The following KATNIP variants were observed in gnomAD, a reference collection of about 807,000 sequenced individuals.
KATNIP encodes katanin interacting protein, also known as katanin-interacting protein.
A neutral mutation model predicts 174.0 loss-of-function variants in KATNIP; 126 were observed. That is an observed-to-expected ratio of 0.72 (90% CI 0.63 to 0.84). The LOEUF is 0.84. Among genes scored for constraint, KATNIP ranks in the 40% least tolerant of loss-of-function variants. The pLI, the probability that KATNIP is intolerant of heterozygous loss-of-function variation, is 0.00. For missense variants in KATNIP, 1,958 were observed against 2,109.7 expected (o/e 0.93, Z 1.41); for synonymous variants, 810 against 835.7 (o/e 0.97, Z 0.53).
chr16:27,743,463 C>T (rs1018361353), intron 15 of KATNIP, among the ~76,000 whole-genome samples: 3 of 152,122 alleles, frequency 2.0e-5, no homozygotes, highest in African/African-American at 7.2e-5. Flanking sequence ...TTTTGCTGCT[C>T]ACCCCTTCTG....
chr16:27,654,286 T>A (rs1567258319), intron 6 of KATNIP, among the ~76,000 whole-genome samples: 1 of 152,090 alleles, frequency 6.6e-6, no homozygotes, highest in East Asian at 1.9e-4. Flanking sequence ...TCCCATTTTT[T>A]AAAAAAACTC....
At chr16:27,699,672 G>T (rs2079031481) in intron 10 of KATNIP, 73 bp downstream of exon 10, 2 of 1,601,484 alleles carry the variant, frequency 1.2e-6, no homozygotes, top group Admixed American at 1.7e-5. Flanking sequence ...AGGCAGAGAT[G>T]AATGACAAAG....
intron 6 of KATNIP, chr16:27,669,324 A>C: frequency 1.0e-6 from 1 of 985,080 alleles, no homozygotes; most frequent in Non-Finnish European, 1.2e-6. Context: ...CTGGATCCCC[A>C]GTGAGGAGAC....
intron 1 of KATNIP, among the ~76,000 whole-genome samples, chr16:27,554,842 G>A (rs139309902): frequency 0.016 from 2,101 of 129,322 alleles, 16 homozygotes; most frequent in Middle Eastern, 0.03. Flanking sequence ...CACCCAGGCT[G>A]TAGTACAGTG....
chr16:27,620,303 T>C (rs2076155974), intron 3 of KATNIP, among the ~76,000 whole-genome samples: 1 of 152,226 alleles, frequency 6.6e-6, no homozygotes, highest in Non-Finnish European at 1.5e-5. Context: ...GGAATCCCCC[T>C]GAGCCATCGT....
intron 17 of KATNIP, 110 bp from the exon 18 acceptor site, chr16:27,754,063 T>TA (rs1004928806): frequency 3.5e-6 from 3 of 863,076 alleles, no homozygotes; most frequent in Admixed American, 1.9e-5. Context: ...CACAAGGACT[T>TA]ACCTGGGCAT....
intron 17 of KATNIP, among the ~76,000 whole-genome samples, chr16:27,753,731 TTCCC>T (rs543551504): frequency 6.8e-4 from 103 of 151,184 alleles, no homozygotes; most frequent in Middle Eastern, 3.4e-3. Flanking sequence ...CCTTCCTTCC[TTCCC>T]TCCCTCCCTC....
At chr16:27,705,257 T>G (rs902922084) in intron 12 of KATNIP, among the ~76,000 whole-genome samples, 1 of 152,194 alleles carries the variant, frequency 6.6e-6, no homozygotes, top group Admixed American at 6.5e-5. Flanking sequence ...CACTCCCTTC[T>G]GCCCCTACCT....
intron 22 of KATNIP, 30 bp from the exon 23 acceptor site, chr16:27,773,069 A>G: frequency 7.6e-7 from 1 of 1,320,542 alleles, no homozygotes; most frequent in Non-Finnish European, 1.1e-6. Flanking sequence ...AAAAAAATTA[A>G]GCCTTCTTTT....
chr16:27,648,995 C>T (rs1315232452), intron 6 of KATNIP, among the ~76,000 whole-genome samples: 1 of 152,138 alleles, frequency 6.6e-6, no homozygotes, highest in Non-Finnish European at 1.5e-5. Flanking sequence ...AGTCCCTGTA[C>T]AGGGAGAGAA....
intron 6 of KATNIP, among the ~76,000 whole-genome samples, chr16:27,656,419 GAAAA>G (rs927275425): frequency 6.1e-4 from 21 of 34,420 alleles, no homozygotes; most frequent in Non-Finnish European, 4.0e-4. Context: ...CTCTGTCTCA[GAAAA>G]AAAAAAAAAA....
intron 18 of KATNIP, among the ~76,000 whole-genome samples, chr16:27,760,791 AG>A (rs2081923650): frequency 6.6e-6 from 1 of 152,210 alleles, no homozygotes; most frequent in Non-Finnish European, 1.5e-5. Context: ...CGATTACAGC[AG>A]TGACCAGGGC....
At chr16:27,670,244 TTGCC>T (rs1488329887) in intron 6 of KATNIP, among the ~76,000 whole-genome samples, 2 of 152,236 alleles carry the variant, frequency 1.3e-5, no homozygotes, top group Non-Finnish European at 1.5e-5. Context: ...GCCACCCACA[TTGCC>T]TGCCCTCTCC....
At chr16:27,758,820 C>G (rs1395147317) in intron 18 of KATNIP, among the ~76,000 whole-genome samples, 1 of 152,190 alleles carries the variant, frequency 6.6e-6, no homozygotes, top group East Asian at 1.9e-4. Flanking sequence ...TTGCTATTTT[C>G]TTTCATAGTG....
At chr16:27,568,752 C>T (rs978877751) in intron 1 of KATNIP, among the ~76,000 whole-genome samples, 3 of 152,156 alleles carry the variant, frequency 2.0e-5, no homozygotes, top group East Asian at 3.8e-4. Context: ...TGTGAGCCAC[C>T]GCACCCGGCC....
intron 15 of KATNIP, among the ~76,000 whole-genome samples, chr16:27,744,121 A>C (rs9922218): frequency 0.19 from 28,332 of 152,186 alleles, 3,032 homozygotes; most frequent in African/African-American, 0.29. Context: ...AGAGCCAAAT[A>C]CCGTAGCCAT....
At chr16:27,704,366 AG>A (rs2079217794) in intron 12 of KATNIP, among the ~76,000 whole-genome samples, 1 of 152,252 alleles carries the variant, frequency 6.6e-6, no homozygotes, top group African/African-American at 2.4e-5. Flanking sequence ...CTCTAGTGCT[AG>A]CAAGGTTACA....
At chr16:27,651,811 C>T (rs900331881) in intron 6 of KATNIP, among the ~76,000 whole-genome samples, 4 of 152,178 alleles carry the variant, frequency 2.6e-5, no homozygotes, top group South Asian at 2.1e-4. Flanking sequence ...CCTCTGCCTC[C>T]AGGGTTCAAG....
intron 2 of KATNIP, among the ~76,000 whole-genome samples, chr16:27,578,283 A>G (rs190265627): frequency 6.6e-6 from 1 of 151,950 alleles, no homozygotes; most frequent in Non-Finnish European, 1.5e-5. Flanking sequence ...CAGTGAGCCA[A>G]GATCACACCA....
Sources: gnomAD v4.1 joint callset for allele counts (sites outside exome capture counted in the v4.1 genomes callset) on GRCh38, gnomAD v4.1.1 for gene constraint, MANE v1.5 for transcripts, NCBI Gene and HGNC (gene_info 2026-07-23, HGNC 2026-07-21) for gene names.